The following SNX33 variants were observed in gnomAD, a reference collection of about 807,000 sequenced individuals.
The protein encoded by SNX33 is sorting nexin 33.
SNX33 carries 19 observed loss-of-function variants against 38.8 expected under a neutral mutation model. That is an observed-to-expected ratio of 0.49 (90% confidence interval 0.34 to 0.72). SNX33 has a LOEUF of 0.72. SNX33 is among the 30% of genes least tolerant of loss of function. SNX33 has a pLI of 0.01. For missense variants in SNX33, 641 were observed against 776.4 expected (o/e 0.83, Z 2.07); for synonymous variants, 246 against 289.7 (o/e 0.85, Z 1.53).
intron 1 of SNX33, among the ~76,000 whole-genome samples, chr15:75,656,356 C>T (rs941315757): frequency 1.3e-5 from 2 of 152,102 alleles, no homozygotes; most frequent in African/African-American, 2.4e-5. Flanking sequence ...GTGAGTTTGA[C>T]GAACATGGGG....
Position 75,660,455 on chromosome 15 carries a change from C to T in SNX33, c.*3240C>T, listed in dbSNP as rs553443923. 1.3e-5 allele frequency: 2 copies of T among 152,722 alleles called. No homozygotes were observed. Among genetic ancestry groups the T allele is most frequent in the Non-Finnish European group, 2.9e-5 (2 of 68,072 alleles). The allele number at this position is 152,722 out of a possible 1,614,324, so 9.5% of individuals were successfully genotyped here. On this transcript the variant is annotated 3_prime_UTR_variant, in exon 2 of 2. Transcript: ENST00000308527. The stretch of plus-strand genomic sequence containing the variant: ...TATGTCTTCCACGTGTCTACACACT[C>T]ACAGACTCACGAATGTAATCGCTCA...
chr15:75,661,495 TG>T lies in SNX33; in HGVS notation c.*4281del, dbSNP rs1375142049. 1.3e-5 allele frequency: 2 copies of T among 152,198 alleles called. No homozygotes were observed. Among genetic ancestry groups the T allele is most frequent in the Non-Finnish European group, 2.9e-5 (2 of 68,052 alleles). 9.4% of individuals were successfully genotyped at this position (152,198 alleles called of 1,614,324 possible). On this transcript the variant is annotated 3_prime_UTR_variant, in exon 2 of 2. Transcript: ENST00000308527. The surrounding 1 kb of genome is among the most constrained non-coding windows in gnomAD (Gnocchi z 4.5). Reference sequence around the variant, plus strand: ...ACCCCCCGACATAGCTCAGAAGGGCTGATTGTGAAACCCAGCTCTGTTCAAC... The same window carrying T: ...ACCCCCCGACATAGCTCAGAAGGGCTATTGTGAAACCCAGCTCTGTTCAAC...
At position 75,648,421 on chromosome 15, in the gene SNX33, T is replaced by C; in HGVS notation, c.-682T>C. ...GAGTTGGCGGCCTGTTGTGTAAGCCTCAGTCCTTGTTTTCCCGGCCTGGCT... is the reference window on the plus strand; with the variant it reads ...GAGTTGGCGGCCTGTTGTGTAAGCCCCAGTCCTTGTTTTCCCGGCCTGGCT... On this transcript the variant is annotated 5_prime_UTR_variant, in exon 1 of 2. Transcript: ENST00000308527. This position sits in a 1 kb window ranked among gnomAD's most constrained non-coding sequence, Gnocchi z 4.4. The C allele has an allele frequency of 1.0e-6, 1 of 985,396 alleles. No homozygotes were observed. The highest frequency in any genetic ancestry group is 1.2e-6 in the Non-Finnish European group (1 of 829,930). 61.0% of individuals were successfully genotyped at this position (985,396 alleles called of 1,614,324 possible).
At chr15:75,656,088 C>T (rs866257747) in intron 1 of SNX33, among the ~76,000 whole-genome samples, 69 of 152,166 alleles carry the variant, frequency 4.5e-4, no homozygotes, top group African/African-American at 1.5e-3. Context: ...ACAACCTCCT[C>T]GAGTTCCCTG....
In SNX33 at chr15:75,661,128, C is replaced by G. The variant is rs1257839581; in HGVS notation, c.*3913C>G. On this transcript the variant is annotated 3_prime_UTR_variant, in exon 2 of 2. Transcript: ENST00000308527. This position sits in a 1 kb window ranked among gnomAD's most constrained non-coding sequence, Gnocchi z 4.5. ...CTGGGCCAGGCTGCCTCTGAAGGCC[C>G]CTGGCTGAACCGATCCAGCAGAGCT... 3 of 152,244 alleles carry G rather than the reference C, an allele frequency of 2.0e-5. No homozygotes were observed. The highest frequency in any genetic ancestry group is 2.0e-4 in the Admixed American group (3 of 15,288). 9.4% of individuals were successfully genotyped at this position (152,244 alleles called of 1,614,324 possible).
intron 1 of SNX33, among the ~76,000 whole-genome samples, chr15:75,654,932 G>A (rs566065916): frequency 6.6e-6 from 1 of 152,316 alleles, no homozygotes; most frequent in African/African-American, 2.4e-5. Flanking sequence ...GTCTATAGAT[G>A]CACTTCCACT....
At position 75,649,039 on chromosome 15, in the gene SNX33, G is replaced by A; in HGVS notation, c.-64G>A. On this transcript the variant is annotated 5_prime_UTR_variant, in exon 1 of 2. In the 5' UTR this introduces an upstream ATG that the reference lacks. Coordinates refer to ENST00000308527, the MANE Select transcript of SNX33 (RefSeq NM_153271.2). This position sits in a 1 kb window ranked among gnomAD's most constrained non-coding sequence, Gnocchi z 6.6. ...TGCGAGTGCATTCTTGGACTGCCTT[G>A]TGAGCATCCCCGGTCTGGGCAGGAC... 6.6e-7 allele frequency: 1 copy of A among 1,517,746 alleles called. No homozygotes were observed. 94.0% of individuals were successfully genotyped at this position (1,517,746 alleles called of 1,614,324 possible). A position where few individuals can be genotyped will look rare whatever the true frequency, so the allele number is the denominator to read the frequency against.
Position 75,657,263 on chromosome 15 carries a change from T to C in SNX33, c.*48T>C. ...CTTCCCCTGGGCCTGGTCACTGCAG[T>C]GTACCCCACTTTCCCGACCTCCCTA... On this transcript the variant is annotated 3_prime_UTR_variant, in exon 2 of 2. Coordinates refer to ENST00000308527, the MANE Select transcript of SNX33 (RefSeq NM_153271.2). The surrounding 1 kb of genome is among the most constrained non-coding windows in gnomAD (Gnocchi z 5.5). 3 of 1,606,006 alleles carry C rather than the reference T, an allele frequency of 1.9e-6. No individual in the cohort carries two copies. The highest frequency in any genetic ancestry group is 1.3e-5 in the African/African-American group (1 of 74,924).
intron 1 of SNX33, among the ~76,000 whole-genome samples, chr15:75,652,769 C>T (rs1315282697): frequency 2.0e-5 from 3 of 152,212 alleles, no homozygotes; most frequent in Non-Finnish European, 2.9e-5. Flanking sequence ...CTGCTCCTCC[C>T]AGGCCTGTGG....
chr15:75,648,753 C>A lies in SNX33; in HGVS notation c.-350C>A, dbSNP rs1039371430. On this transcript the variant is annotated 5_prime_UTR_variant, in exon 1 of 2. Coordinates refer to ENST00000308527, the MANE Select transcript of SNX33 (RefSeq NM_153271.2). The surrounding 1 kb of genome is among the most constrained non-coding windows in gnomAD (Gnocchi z 4.4). ...GTGTCGAATTTTTCCCCTCGCAGGG[C>A]AGATTTCTCCAGGTCACTTGACTTT... The A allele has an allele frequency of 4.7e-6, 1 of 212,322 alleles. No homozygotes were observed. The highest frequency in any genetic ancestry group is 8.9e-6 in the Non-Finnish European group (1 of 112,926). 13.2% of individuals were successfully genotyped at this position (212,322 alleles called of 1,614,324 possible). A position where few individuals can be genotyped will look rare whatever the true frequency, so the allele number is the denominator to read the frequency against.
Position 75,649,941 on chromosome 15 carries a change from A to G in SNX33, c.839A>G (p.Lys280Arg). ...TGGCTCTATAACCGCCTGCTACACA[A>G]GTTCACTGTCATCTCGGTGCCCCAC... ...FDWLYNRLLH[K>R]FTVISVPHLP... Residue 280 changes from lysine (K) to arginine (R), a missense_variant, in exon 1 of 2, where the codon AAG (lysine) becomes AGG (arginine). By Grantham distance (26) the Lys-to-Arg change is conservative. Around this residue, in one of 2 missense-constraint regions of SNX33, gnomAD observed 398 missense variants for 542.5 expected, o/e 0.73. Transcript: ENST00000308527. The surrounding 1 kb of genome is among the most constrained non-coding windows in gnomAD (Gnocchi z 6.6). 6.2e-7 allele frequency: 1 copy of G among 1,603,750 alleles called. No homozygotes were observed. Among genetic ancestry groups the G allele is most frequent in the Non-Finnish European group, 8.5e-7 (1 of 1,175,354 alleles).
chr15:75,648,603 C>T lies in SNX33; in HGVS notation c.-500C>T. On this transcript the variant is annotated 5_prime_UTR_variant, in exon 1 of 2. Coordinates refer to ENST00000308527, the MANE Select transcript of SNX33 (RefSeq NM_153271.2). This position sits in a 1 kb window ranked among gnomAD's most constrained non-coding sequence, Gnocchi z 4.4. ...GCAGATCTGCAGAGGAATGTGAGAG[C>T]CTCCCAAAGCGAGAGCCGCCAAAAG... 3 of 940,472 alleles carry T rather than the reference C, an allele frequency of 3.2e-6. No homozygotes were observed. The highest frequency in any genetic ancestry group is 3.8e-6 in the Non-Finnish European group (3 of 789,136). The allele number at this position is 940,472 out of a possible 1,614,324, so 58.3% of individuals were successfully genotyped here.
In SNX33 at chr15:75,657,099, C is replaced by T. The variant is rs138286330; in HGVS notation, c.1609C>T (p.Arg537Cys). The T allele has an allele frequency of 1.1e-5, 18 of 1,614,082 alleles. No homozygotes were observed. The highest frequency in any genetic ancestry group is 5.5e-5 in the South Asian group (5 of 91,092). The part of the protein sequence containing the change: ...LQAEMNHFHQ[R>C]RELDFKHMMQ... ...GGCCGAGATGAACCACTTCCACCAG[C>T]GCCGTGAGCTCGACTTCAAGCACAT... Residue 537 changes from arginine (R) to cysteine (C), a missense_variant, in exon 2 of 2, where the codon CGC becomes TGC. By Grantham distance (180) the Arg-to-Cys change is radical. Transcript: ENST00000308527. This position sits in a 1 kb window ranked among gnomAD's most constrained non-coding sequence, Gnocchi z 5.5.
intron 1 of SNX33, among the ~76,000 whole-genome samples, chr15:75,655,549 C>G (rs1893643437): frequency 6.6e-6 from 1 of 152,226 alleles, no homozygotes; most frequent in African/African-American, 2.4e-5. Flanking sequence ...AGCCGATTAG[C>G]CATGCACTTA....
intron 1 of SNX33, among the ~76,000 whole-genome samples, chr15:75,652,945 C>T (rs1893602780): frequency 6.6e-6 from 1 of 152,090 alleles, no homozygotes; most frequent in African/African-American, 2.4e-5. Context: ...AGGATTCTGT[C>T]CAGCCTGTCT....
chr15:75,652,005 TG>T (rs67428485), intron 1 of SNX33, among the ~76,000 whole-genome samples: 6,359 of 133,342 alleles, frequency 0.048, 421 homozygotes, highest in African/African-American at 0.16. Context: ...CCTTTCTTTC[TG>T]TTTTTTTTTT....
chr15:75,654,200 A>G (rs1893624420), intron 1 of SNX33, among the ~76,000 whole-genome samples: 1 of 152,312 alleles, frequency 6.6e-6, no homozygotes, highest in South Asian at 2.1e-4. Flanking sequence ...AACTGTGTAC[A>G]TATTAGTTCA....
At position 75,648,977 on chromosome 15, in the gene SNX33, G is replaced by A; in HGVS notation, c.-126G>A. 8.1e-7 allele frequency: 1 copy of A among 1,239,162 alleles called. No homozygotes were observed. Among genetic ancestry groups the A allele is most frequent in the Non-Finnish European group, 1.1e-6 (1 of 908,130 alleles). The allele number at this position is 1,239,162 out of a possible 1,614,324, so 76.8% of individuals were successfully genotyped here. On this transcript the variant is annotated 5_prime_UTR_variant, in exon 1 of 2. Transcript: ENST00000308527. The surrounding 1 kb of genome is among the most constrained non-coding windows in gnomAD (Gnocchi z 4.4). ...CTGTGGGTGCTGAGACCCCACCTTA[G>A]GACCTGAGAGATTGAACTGTGTAAG...
Position 75,650,445 on chromosome 15 carries a change from G to T in SNX33, c.1343G>T (p.Arg448Leu). ...ALNSAISHTG[R>L]TYEAIGEMFA... ...AACAGTGCCATTTCTCACACGGGCC[G>T]TACCTATGAAGCCATCGGGGAGATG... The change falls in exon 1 of 2, where the codon CGT (arginine) becomes CTT (leucine). Residue 448 changes from arginine (R) to leucine (L), a missense_variant. By Grantham distance (102) the Arg-to-Leu change is moderately radical (BLOSUM62 -2). Transcript: ENST00000308527. This position sits in a 1 kb window ranked among gnomAD's most constrained non-coding sequence, Gnocchi z 6.1. 1 of 1,614,112 alleles carries T rather than the reference G, an allele frequency of 6.2e-7. No homozygotes were observed. Among genetic ancestry groups the T allele is most frequent in the Non-Finnish European group, 8.5e-7 (1 of 1,180,036 alleles).
Sources: gnomAD v4.1 joint callset for allele counts (sites outside exome capture counted in the v4.1 genomes callset) on GRCh38, gnomAD v4.1.1 for gene constraint, gnomAD v4.1.1 regional missense constraint, Gnocchi (gnomAD v3.1) non-coding constraint, MANE v1.5 for transcripts, NCBI Gene and HGNC (gene_info 2026-07-23, HGNC 2026-07-21) for gene names.